UNC13B: variants seen among roughly 807,000 people sequenced by gnomAD.
The protein encoded by UNC13B is protein unc-13 homolog B.
In UNC13B, 144 loss-of-function variants were observed where a neutral mutation model predicts 211.0. That is an observed-to-expected ratio of 0.68 (90% CI 0.60 to 0.78). UNC13B has a LOEUF of 0.78. Among genes scored for constraint, UNC13B ranks in the 30% least tolerant of loss-of-function variants. UNC13B has a pLI of 0.00. For missense variants in UNC13B, 1,777 were observed against 2,002.0 expected (o/e 0.89, Z 2.14); for synonymous variants, 709 against 725.8 (o/e 0.98, Z 0.37).
At chr9:35,182,925 C>G (rs1649534218) in intron 1 of UNC13B, among the ~76,000 whole-genome samples, 1 of 152,128 alleles carries the variant, frequency 6.6e-6, no homozygotes, top group African/African-American at 2.4e-5. Flanking sequence ...CCACATTTCC[C>G]CCTTTTCTTT....
chr9:35,222,774 C>G (rs747042644), intron 1 of UNC13B, among the ~76,000 whole-genome samples: 26 of 152,298 alleles, frequency 1.7e-4, no homozygotes, highest in South Asian at 2.1e-4. Context: ...TATAATCACC[C>G]CAGTCTGTGA....
At chr9:35,395,940 A>G (rs777433681) in intron 26 of UNC13B, among the ~76,000 whole-genome samples, 2 of 152,086 alleles carry the variant, frequency 1.3e-5, no homozygotes, top group Non-Finnish European at 2.9e-5. Context: ...TCAAGATTCC[A>G]TTACACCATG....
At chr9:35,222,451 A>T (rs1469173457) in intron 1 of UNC13B, among the ~76,000 whole-genome samples, 5 of 152,206 alleles carry the variant, frequency 3.3e-5, no homozygotes, top group Non-Finnish European at 7.3e-5. Flanking sequence ...GAAGAAATAC[A>T]TATAAATTTT....
chr9:35,235,600 A>G lies in UNC13B; in HGVS notation c.153-869A>G, dbSNP rs551710382. Among the ~76,000 whole-genome samples, 35 of 152,130 alleles carry G rather than the reference A, an allele frequency of 2.3e-4. No homozygotes were observed. In the Middle Eastern group the frequency reaches 0.014, roughly 59 times the overall value. Reference sequence around the variant, plus strand: ...ATTACAGGTGTGCACCACCATGCCCAGCTAATTTTTGTATTTTTAGTAGAG... The same window carrying G: ...ATTACAGGTGTGCACCACCATGCCCGGCTAATTTTTGTATTTTTAGTAGAG... On this transcript the variant is annotated intron_variant, in intron 3 of 39. Transcript: ENST00000635942.
intron 7 of UNC13B, among the ~76,000 whole-genome samples, chr9:35,276,740 T>C (rs766924785): frequency 6.6e-6 from 1 of 152,198 alleles, no homozygotes; most frequent in Non-Finnish European, 1.5e-5. Flanking sequence ...GGATAACTAG[T>C]CTTCACAGTT....
At position 35,381,650 on chromosome 9, in the gene UNC13B, A is replaced by G. The variant is rs1263013500; in HGVS notation, c.10586A>G (p.Glu3529Gly). 4.3e-6 allele frequency: 7 copies of G among 1,614,066 alleles called. No individual in the cohort carries two copies. ...GATGCCTGGAAGGTGTACTTTGATG[A>G]GACAGCCCAAGAAATTGTGGATGAA... Reference protein sequence around the residue: ...GDDAWKVYFDETAQEIVDEFA... With the variant: ...GDDAWKVYFDGTAQEIVDEFA... Residue 3529 changes from glutamate (E) to glycine (G), a missense_variant, in exon 20 of 40, where the codon GAG (glutamate) becomes GGG (glycine). Physicochemically the swap from Glu to Gly is moderately conservative, Grantham distance 98 (BLOSUM62 -2). Transcript: ENST00000635942.
intron 1 of UNC13B, among the ~76,000 whole-genome samples, chr9:35,193,639 C>T (rs187605934): frequency 2.4e-5 from 3 of 123,966 alleles, no homozygotes; most frequent in Admixed American, 2.0e-4. Context: ...GCCTGGGTGA[C>T]AGAGCAAGAC....
chr9:35,235,128 A>G (rs1825422023), intron 3 of UNC13B, among the ~76,000 whole-genome samples: 1 of 152,174 alleles, frequency 6.6e-6, no homozygotes, highest in South Asian at 2.1e-4. Flanking sequence ...AGTCCTTCCA[A>G]GCAGATATTC....
intron 11 of UNC13B, among the ~76,000 whole-genome samples, chr9:35,320,849 G>A (rs1468787095): frequency 2.0e-5 from 3 of 152,248 alleles, no homozygotes; most frequent in African/African-American, 7.2e-5. Context: ...GGCAAAGTGT[G>A]TTTAGCTAAC....
intron 1 of UNC13B, among the ~76,000 whole-genome samples, chr9:35,200,490 T>C (rs1823217397): frequency 6.6e-6 from 1 of 152,234 alleles, no homozygotes; most frequent in Non-Finnish European, 1.5e-5. Flanking sequence ...CTTCCATTGT[T>C]TGTGTCCTCT....
chr9:35,275,326 T>A (rs1828110427), intron 7 of UNC13B, among the ~76,000 whole-genome samples: 1 of 152,236 alleles, frequency 6.6e-6, no homozygotes, highest in South Asian at 2.1e-4. Flanking sequence ...CTTACGTGGC[T>A]ACTGCCCTTT....
Position 35,377,523 on chromosome 9 carries a change from C to T in UNC13B, c.9891C>T (p.Ile3297=). Residue 3297 remains isoleucine (I), a synonymous_variant, in exon 16 of 40, where the codon ATC becomes ATT. Coordinates refer to ENST00000635942, the MANE Select transcript of UNC13B (RefSeq NM_001371189.2). ...HGAEDRTQNI[I]MAMKDRMKIR... is the part of the protein sequence containing the mutation. ...CTGAGGACCGGACCCAGAACATTAT[C>T]ATGGCCATGAAGGACCGCATGAAGA... 2 of 1,614,248 alleles carry T rather than the reference C, an allele frequency of 1.2e-6. No individual in the cohort carries two copies. The highest frequency in any genetic ancestry group is 1.7e-6 in the Non-Finnish European group (2 of 1,180,044).
intron 11 of UNC13B, among the ~76,000 whole-genome samples, chr9:35,329,549 G>A (rs562666929): frequency 1.3e-5 from 2 of 151,238 alleles, no homozygotes; most frequent in Admixed American, 1.3e-4. Flanking sequence ...GTGCAGTGGT[G>A]CGATCTTGGC....
At position 35,397,320 on chromosome 9, in the gene UNC13B, ACT is replaced by A. The variant is rs751282178; in HGVS notation, c.11676+13_11676+14del. 2.0e-5 allele frequency: 32 copies of A among 1,611,864 alleles called. No homozygotes were observed. Among genetic ancestry groups the A allele is most frequent in the Non-Finnish European group, 2.6e-5 (31 of 1,178,842 alleles). ...GAGGAGGTTTGCTAAGGTGACCATA[ACT>A]CTTCCTACTCCCTCCCCCTTACCAC... On this transcript the variant is annotated intron_variant, in intron 29 of 39. Transcript: ENST00000635942.
intron 11 of UNC13B, among the ~76,000 whole-genome samples, chr9:35,366,253 T>C (rs972282580): frequency 1.3e-5 from 2 of 152,236 alleles, no homozygotes; most frequent in South Asian, 4.1e-4. Context: ...TTGTTTTCTT[T>C]TGGTACAGAA....
At chr9:35,279,342 G>A (rs1404650059) in intron 7 of UNC13B, among the ~76,000 whole-genome samples, 3 of 152,142 alleles carry the variant, frequency 2.0e-5, no homozygotes. Context: ...TGTTTTTGAG[G>A]TGCATTCACC....
chr9:35,260,638 T>TG (rs1175314006), intron 7 of UNC13B, among the ~76,000 whole-genome samples: 1 of 152,216 alleles, frequency 6.6e-6, no homozygotes, highest in Non-Finnish European at 1.5e-5. Flanking sequence ...AACTTTTTTT[T>TG]CTTTATTTAA....
In UNC13B at chr9:35,162,054, GCC is replaced by G. The variant is rs577292729; in HGVS notation, c.-228_-227del. On this transcript the variant is annotated 5_prime_UTR_variant, in exon 1 of 40. An upstream open reading frame in the 5' UTR loses its in-frame stop. Coordinates refer to ENST00000635942, the MANE Select transcript of UNC13B (RefSeq NM_001371189.2). ...CCCAGCGATGGCGTCGCTGTGCCGC[GCC>G]CAGTCCCCAGCCTGCCGGCCGGTAC... 4.1e-4 allele frequency: 235 copies of G among 578,506 alleles called. 1 individual carries two copies. The highest frequency in any genetic ancestry group is 3.7e-3 in the South Asian group (177 of 47,366). 35.8% of individuals were successfully genotyped at this position (578,506 alleles called of 1,614,324 possible).
chr9:35,229,262 A>G (rs1465867999), intron 2 of UNC13B, among the ~76,000 whole-genome samples: 1 of 152,202 alleles, frequency 6.6e-6, no homozygotes, highest in Non-Finnish European at 1.5e-5. Context: ...TACGCTTGAG[A>G]ACCCAGGAAA....
Sources: allele counts gnomAD v4.1 joint callset (sites outside exome capture counted in the v4.1 genomes callset), GRCh38; gene constraint gnomAD v4.1.1; transcripts MANE v1.5; gene names NCBI Gene and HGNC (gene_info 2026-07-23, HGNC 2026-07-21).